Variants in KCNMA1 observed in about 807,000 individuals in gnomAD.
KCNMA1 encodes potassium calcium-activated channel subfamily M alpha 1.
Under a neutral mutation model 140.0 loss-of-function variants are expected in KCNMA1, and 29 were observed. The observed-to-expected ratio is 0.21, with a 90% CI of 0.15 to 0.28. The LOEUF is 0.28. Among genes scored for constraint, KCNMA1 ranks in the 10% least tolerant of loss-of-function variants. KCNMA1 has a pLI of 1.00. For synonymous variants in KCNMA1, 612 were observed against 611.9 expected (o/e 1.00, Z 0.00); for missense variants, 880 against 1,602.2 (o/e 0.55, Z 7.70).
chr10:77,167,177 A>C (rs1180525738), intron 5 of KCNMA1, among the ~76,000 whole-genome samples: 1 of 144,198 alleles, frequency 6.9e-6, no homozygotes. Context: ...CTCTATCTTC[A>C]TGAGATCCCC....
intron 2 of KCNMA1, among the ~76,000 whole-genome samples, chr10:77,370,858 C>G (rs2094650862): frequency 6.6e-6 from 1 of 152,196 alleles, no homozygotes; most frequent in Non-Finnish European, 1.5e-5. Context: ...ACAGTGCCCT[C>G]TACTTCACAG....
chr10:77,267,175 A>G (rs2063676132), intron 2 of KCNMA1, among the ~76,000 whole-genome samples: 1 of 152,104 alleles, frequency 6.6e-6, no homozygotes, highest in Admixed American at 6.5e-5. Context: ...TGCTTCCCCC[A>G]TGGATGCTTG....
intron 2 of KCNMA1, among the ~76,000 whole-genome samples, chr10:77,317,780 C>T (rs944169726): frequency 2.6e-5 from 4 of 152,180 alleles, no homozygotes; most frequent in African/African-American, 9.7e-5. Context: ...AAGATAAATT[C>T]GAGGTGATAT....
chr10:77,355,495 G>A (rs776462668), intron 2 of KCNMA1, among the ~76,000 whole-genome samples: 3 of 152,178 alleles, frequency 2.0e-5, no homozygotes, highest in Admixed American at 6.5e-5. Context: ...GCCTGGAAAC[G>A]ATGCCATTTC....
At chr10:77,608,792 AT>A (rs2085550716) in intron 1 of KCNMA1, among the ~76,000 whole-genome samples, 1 of 152,124 alleles carries the variant, frequency 6.6e-6, no homozygotes, top group Admixed American at 6.5e-5. Flanking sequence ...TTGCATAGAC[AT>A]TTTTCCAAGG....
At chr10:77,328,488 T>C (rs2085063135) in intron 2 of KCNMA1, among the ~76,000 whole-genome samples, 2 of 152,104 alleles carry the variant, frequency 1.3e-5, no homozygotes, top group Admixed American at 6.6e-5. Context: ...TGACATCCTA[T>C]AAAAGTCAGA....
intron 2 of KCNMA1, among the ~76,000 whole-genome samples, chr10:77,262,200 T>C (rs950583027): frequency 6.6e-6 from 1 of 152,164 alleles, no homozygotes; most frequent in Non-Finnish European, 1.5e-5. Context: ...AGATGAGATC[T>C]CTCCATACAA....
intron 1 of KCNMA1, among the ~76,000 whole-genome samples, chr10:77,589,112 C>T (rs1463944204): frequency 2.0e-5 from 3 of 152,132 alleles, no homozygotes; most frequent in Non-Finnish European, 4.4e-5. Context: ...TGCAGTGGGC[C>T]GGATTCGACC....
At chr10:77,386,512 G>A (rs2095609514) in intron 2 of KCNMA1, among the ~76,000 whole-genome samples, 1 of 152,214 alleles carries the variant, frequency 6.6e-6, no homozygotes, top group South Asian at 2.1e-4. Flanking sequence ...CCAGTCGTAG[G>A]TTTGCATAAA....
At chr10:77,143,472 C>T (rs2098225302) in intron 5 of KCNMA1, among the ~76,000 whole-genome samples, 1 of 152,032 alleles carries the variant, frequency 6.6e-6, no homozygotes, top group Non-Finnish European at 1.5e-5. Flanking sequence ...ACAACAAAAG[C>T]ACCAATACAA....
intron 3 of KCNMA1, among the ~76,000 whole-genome samples, chr10:77,237,339 A>T (rs2055859540): frequency 6.6e-6 from 1 of 152,222 alleles, no homozygotes; most frequent in South Asian, 2.1e-4. Context: ...TAGCTTGGAA[A>T]GGTTAACTGG....
intron 2 of KCNMA1, among the ~76,000 whole-genome samples, chr10:77,300,989 C>A (rs1279292977): frequency 6.6e-6 from 1 of 152,156 alleles, no homozygotes; most frequent in East Asian, 1.9e-4. Context: ...TTAAAAGCTC[C>A]CCAGATGGTT....
intron 16 of KCNMA1, 154 bp from the exon 17 acceptor site, chr10:77,019,253 C>T: frequency 3.1e-6 from 2 of 641,108 alleles, no homozygotes; most frequent in Admixed American, 4.9e-5. Context: ...ATGTCCACTG[C>T]CCCATACATT....
chr10:77,160,549 T>A (rs1379279841), intron 5 of KCNMA1, among the ~76,000 whole-genome samples: 1 of 152,210 alleles, frequency 6.6e-6, no homozygotes, highest in Non-Finnish European at 1.5e-5. Context: ...TAGTTCTCAC[T>A]GCTGAGGGGG....
At chr10:77,450,269 T>C (rs2097612879) in intron 1 of KCNMA1, among the ~76,000 whole-genome samples, 1 of 150,970 alleles carries the variant, frequency 6.6e-6, no homozygotes, top group Admixed American at 6.6e-5. Flanking sequence ...TTGGCCAGGT[T>C]GGTCTCGAAC....
chr10:77,379,740 A>C (rs2095313912), intron 2 of KCNMA1, among the ~76,000 whole-genome samples: 2 of 152,172 alleles, frequency 1.3e-5, no homozygotes, highest in African/African-American at 4.8e-5. Context: ...TTGTTTCCTT[A>C]ATGACATAAA....
intron 3 of KCNMA1, among the ~76,000 whole-genome samples, chr10:77,204,678 A>G (rs912963938): frequency 5.3e-5 from 8 of 152,178 alleles, no homozygotes; most frequent in African/African-American, 1.7e-4. Context: ...CTTCCTCGAC[A>G]TGGTTTGGTG....
chr10:77,131,880 G>T (rs573587899), intron 5 of KCNMA1, among the ~76,000 whole-genome samples: 10 of 150,580 alleles, frequency 6.6e-5, no homozygotes, highest in African/African-American at 2.4e-4. Context: ...CAGGAGAATC[G>T]CTTGAACCCG....
chr10:77,248,361 G>A (rs1003200872), intron 3 of KCNMA1, among the ~76,000 whole-genome samples: 3 of 152,152 alleles, frequency 2.0e-5, no homozygotes, highest in South Asian at 2.1e-4. Context: ...CAGCATTCTG[G>A]AGGGGAGGGG....
Sources: gnomAD v4.1 joint callset for allele counts (sites outside exome capture counted in the v4.1 genomes callset) on GRCh38, gnomAD v4.1.1 for gene constraint, MANE v1.5 for transcripts, NCBI Gene and HGNC (gene_info 2026-07-23, HGNC 2026-07-21) for gene names.